KIAA1328: variants seen among roughly 807,000 people sequenced by gnomAD.
KIAA1328 encodes KIAA1328.
In KIAA1328, 52 loss-of-function variants were observed where a neutral mutation model predicts 68.1. That is an observed-to-expected ratio of 0.76 (90% CI 0.61 to 0.96). The LOEUF (loss-of-function observed/expected upper bound fraction) is 0.96. KIAA1328 is among the 40% of genes least tolerant of loss of function. The pLI is 0.00. For synonymous variants in KIAA1328, 232 were observed against 239.4 expected, an observed-to-expected ratio of 0.97 and a Z score of 0.28; for missense variants, 641 against 677.6, an observed-to-expected ratio of 0.95 and a Z score of 0.60.
At chr18:37,082,742 G>T (rs1180387838) in intron 7 of KIAA1328, among the ~76,000 whole-genome samples, 1 of 152,118 alleles carries the variant, frequency 6.6e-6, no homozygotes, top group African/African-American at 2.4e-5. Context: ...AACAACTTTC[G>T]AAAGGGTATT....
intron 5 of KIAA1328, among the ~76,000 whole-genome samples, chr18:36,899,001 G>A (rs1232990435): frequency 6.6e-6 from 1 of 151,726 alleles, no homozygotes; most frequent in African/African-American, 2.4e-5. Context: ...TTGCCTTCTT[G>A]CAACACCTCC....
chr18:37,158,212 T>A (rs1009771819), intron 7 of KIAA1328, among the ~76,000 whole-genome samples: 4 of 152,136 alleles, frequency 2.6e-5, no homozygotes, highest in Non-Finnish European at 2.9e-5. Flanking sequence ...TAAAACAATT[T>A]TTTTTCTTTA....
chr18:37,092,566 C>T (rs542418465), intron 7 of KIAA1328, among the ~76,000 whole-genome samples: 1 of 152,172 alleles, frequency 6.6e-6, no homozygotes, highest in South Asian at 2.1e-4. Context: ...CCTACTGCCA[C>T]CTGCACACAA....
chr18:36,991,764 C>T (rs955752636), intron 6 of KIAA1328, among the ~76,000 whole-genome samples: 3 of 152,100 alleles, frequency 2.0e-5, no homozygotes, highest in Non-Finnish European at 4.4e-5. Flanking sequence ...TGGTTCAGGG[C>T]CTCTCTCCTC....
chr18:37,177,507 A>G (rs2059617290), intron 9 of KIAA1328, among the ~76,000 whole-genome samples: 1 of 152,164 alleles, frequency 6.6e-6, no homozygotes, highest in African/African-American at 2.4e-5. Context: ...TGTGTGTAAG[A>G]TGTGAAGAAA....
chr18:37,050,928 G>A (rs1360585910), intron 6 of KIAA1328, among the ~76,000 whole-genome samples: 1 of 151,954 alleles, frequency 6.6e-6, no homozygotes, highest in Non-Finnish European at 1.5e-5. Context: ...GTGTTTTTCA[G>A]CTCTTAAACG....
intron 7 of KIAA1328, among the ~76,000 whole-genome samples, chr18:37,120,186 A>G (rs2058231133): frequency 6.6e-6 from 1 of 152,186 alleles, no homozygotes; most frequent in African/African-American, 2.4e-5. Flanking sequence ...AGATTAAAAA[A>G]AAATTCATCT....
chr18:37,031,668 C>T (rs1489623628), intron 6 of KIAA1328, among the ~76,000 whole-genome samples: 1 of 152,136 alleles, frequency 6.6e-6, no homozygotes, highest in Non-Finnish European at 1.5e-5. Flanking sequence ...ACCCTTGATG[C>T]AGTTATCAAC....
intron 4 of KIAA1328, among the ~76,000 whole-genome samples, chr18:36,864,525 G>T (rs1476270583): frequency 6.8e-6 from 1 of 147,606 alleles, no homozygotes; most frequent in Non-Finnish European, 1.5e-5. Flanking sequence ...AGTTATAATT[G>T]TTTTTATGTG....
At chr18:37,099,704 G>A (rs1035157597) in intron 7 of KIAA1328, among the ~76,000 whole-genome samples, 2 of 152,128 alleles carry the variant, frequency 1.3e-5, no homozygotes, top group African/African-American at 4.8e-5. Context: ...TATTGTGTGG[G>A]AGTCTAAGTC....
At chr18:37,122,664 GT>G (rs112085744) in intron 7 of KIAA1328, among the ~76,000 whole-genome samples, 15,863 of 152,078 alleles carry the variant, frequency 0.1, 2,795 homozygotes, top group African/African-American at 0.36. Flanking sequence ...CAGTTGATGG[GT>G]TTGCCAGCAG....
intron 5 of KIAA1328, among the ~76,000 whole-genome samples, chr18:36,951,118 T>C (rs2051144124): frequency 6.6e-6 from 1 of 152,228 alleles, no homozygotes; most frequent in African/African-American, 2.4e-5. Flanking sequence ...GGCCTCCTTC[T>C]CGTCTCACAG....
intron 7 of KIAA1328, among the ~76,000 whole-genome samples, chr18:37,116,916 A>C (rs1301087497): frequency 6.6e-6 from 1 of 152,240 alleles, no homozygotes; most frequent in African/African-American, 2.4e-5. Context: ...AAAAATGCTC[A>C]TCATCACTGG....
intron 3 of KIAA1328, among the ~76,000 whole-genome samples, chr18:36,837,393 C>T (rs377203789): frequency 1.1e-3 from 165 of 152,222 alleles, no homozygotes; most frequent in Middle Eastern, 6.8e-3. Flanking sequence ...TGTGTATCTT[C>T]GTCAGACAAA....
chr18:36,829,328 C>A, intron 1 of KIAA1328, 132 bp downstream of exon 1: 1 of 1,399,424 alleles, frequency 7.1e-7, no homozygotes. Flanking sequence ...TGCTGCTCGG[C>A]CCCAGTCTAG....
intron 6 of KIAA1328, among the ~76,000 whole-genome samples, chr18:37,054,359 C>A (rs1001597158): frequency 6.6e-6 from 1 of 152,082 alleles, no homozygotes; most frequent in Non-Finnish European, 1.5e-5. Context: ...GACACCTGCA[C>A]TCATATGTTT....
chr18:37,048,791 G>C, intron 6 of KIAA1328, among the ~76,000 whole-genome samples: 1 of 152,126 alleles, frequency 6.6e-6, no homozygotes, highest in East Asian at 1.9e-4. Context: ...TAAACTGTGA[G>C]TGGCTGCTGG....
At chr18:37,102,936 A>G (rs1226116203) in intron 7 of KIAA1328, among the ~76,000 whole-genome samples, 2 of 152,194 alleles carry the variant, frequency 1.3e-5, no homozygotes, top group African/African-American at 2.4e-5. Context: ...CCCATTTACA[A>G]TAGCTACAAT....
chr18:37,109,886 T>C (rs1599302573), intron 7 of KIAA1328, among the ~76,000 whole-genome samples: 1 of 152,048 alleles, frequency 6.6e-6, no homozygotes, highest in Non-Finnish European at 1.5e-5. Context: ...CCAAATTTAT[T>C]TGGAATGAGA....
Sources: gnomAD v4.1 joint callset for allele counts (sites outside exome capture counted in the v4.1 genomes callset) on GRCh38, gnomAD v4.1.1 for gene constraint, MANE v1.5 for transcripts, NCBI Gene and HGNC (gene_info 2026-07-23, HGNC 2026-07-21) for gene names.